Variants in DAPK3 observed in about 807,000 individuals in gnomAD.
DAPK3 encodes the protein death associated protein kinase 3.
Under a neutral mutation model 30.6 loss-of-function variants are expected in DAPK3, and 24 were observed. That is an observed-to-expected ratio of 0.78 (90% CI 0.57 to 1.10). The LOEUF is 1.10. Among genes scored for constraint, DAPK3 ranks in the 50% least tolerant of loss-of-function variants. The probability of loss-of-function intolerance (pLI) is 0.00; values close to 1 mark genes in which losing one functional copy is unlikely to be tolerated. For synonymous variants in DAPK3, 341 were observed against 284.0 expected, an observed-to-expected ratio of 1.20 and a Z score of -2.02; for missense variants, 629 against 657.3, an observed-to-expected ratio of 0.96 and a Z score of 0.47.
intron 6 of DAPK3, 197 bp from the exon 7 acceptor site, chr19:3,961,358 C>A (rs572360930): frequency 1.4e-6 from 1 of 726,078 alleles, no homozygotes. Flanking sequence ...ATCCACCCCC[C>A]CACCCCGCCA....
At chr19:3,967,312 C>T (rs528103559) in intron 2 of DAPK3, among the ~76,000 whole-genome samples, 2 of 152,056 alleles carry the variant, frequency 1.3e-5, no homozygotes, top group East Asian at 1.9e-4. Flanking sequence ...ATTAGCCGGG[C>T]GTGCTGGCAG....
rs906434876 is a variant in DAPK3, at chr19:3,959,392, G to A, written c.1074C>T (p.Ala358=). 2 of 1,570,636 alleles carry A rather than the reference G, an allele frequency of 1.3e-6. No individual in the cohort carries two copies. Among genetic ancestry groups the A allele is most frequent in the Non-Finnish European group, 1.7e-6 (2 of 1,165,964 alleles). The change falls in exon 9 of 9, where the codon GCC becomes GCT. Residue 358 remains alanine (A), a synonymous_variant. Coordinates refer to ENST00000545797, the MANE Select transcript of DAPK3 (RefSeq NM_001348.3). ...ACCAGGCCTCCTTCTCCTCGTAGAT[G>A]GCGGCCAGCGCCTCCACGTCCTCGT... ...LCHEDVEALA[A]IYEEKEAWYR... is the part of the protein sequence containing the mutation.
intron 6 of DAPK3, among the ~76,000 whole-genome samples, chr19:3,962,758 G>T (rs2039531859): frequency 8.5e-6 from 1 of 117,412 alleles, no homozygotes; most frequent in South Asian, 2.9e-4. Flanking sequence ...ACTTCATCCA[G>T]CCTGGGCAAC....
chr19:3,960,412 C>CA (rs895434720), intron 7 of DAPK3, among the ~76,000 whole-genome samples: 6 of 152,126 alleles, frequency 3.9e-5, no homozygotes, highest in Admixed American at 3.9e-4. Context: ...TACAGGAAAA[C>CA]AAGTGACCTG....
At chr19:3,967,793 T>C (rs1001948020) in intron 2 of DAPK3, among the ~76,000 whole-genome samples, 1 of 152,146 alleles carries the variant, frequency 6.6e-6, no homozygotes, top group Non-Finnish European at 1.5e-5. Flanking sequence ...TGGGCCTTCA[T>C]CTTGCACTTC....
chr19:3,960,910 A>G (rs1014963012), intron 7 of DAPK3, 99 bp downstream of exon 7: 2 of 1,298,272 alleles, frequency 1.5e-6, no homozygotes, highest in African/African-American at 1.5e-5. Context: ...CCCCAGCCGC[A>G]GGGAGGTGGC....
chr19:3,963,742 G>A (rs1034929988), intron 5 of DAPK3, 73 bp from the exon 6 acceptor site: 13 of 1,349,872 alleles, frequency 9.6e-6, no homozygotes, highest in African/African-American at 4.3e-5. Flanking sequence ...GGCGTCCAGC[G>A]CCCCTGTTCT....
Position 3,964,972 on chromosome 19 carries a change from G to C in DAPK3, c.82C>G (p.Arg28Gly), listed in dbSNP as rs139511601. ...ELGSGQFAIV[R>G]KCRQKGTGKE... ...CCCGTGCCCTTCTGCCGGCACTTCCGCACGATCGCAAACTGGCCGCTGGAG... is the reference window on the plus strand; with the variant it reads ...CCCGTGCCCTTCTGCCGGCACTTCCCCACGATCGCAAACTGGCCGCTGGAG... The change falls in exon 3 of 9, where the codon CGG (arginine) becomes GGG (glycine). Residue 28 changes from arginine to glycine, a missense_variant. By Grantham distance (125) the Arg-to-Gly change is moderately radical (BLOSUM62 -2). This residue lies in a region of DAPK3 where 306 missense variants were observed against 378.5 expected (regional missense o/e 0.81). Transcript: ENST00000545797. 6.2e-7 allele frequency: 1 copy of C among 1,605,412 alleles called. No homozygotes were observed. The highest frequency in any genetic ancestry group is 8.5e-7 in the Non-Finnish European group (1 of 1,174,656).
At chr19:3,969,945 C>T in intron 1 of DAPK3, 116 bp from the exon 2 acceptor site, 1 of 572,338 alleles carries the variant, frequency 1.7e-6, no homozygotes, top group Non-Finnish European at 3.1e-6. Context: ...CTCTGAAGCT[C>T]CAAACTCGAC....
At chr19:3,966,244 C>A (rs1031248390) in intron 2 of DAPK3, among the ~76,000 whole-genome samples, 1 of 152,098 alleles carries the variant, frequency 6.6e-6, no homozygotes, top group African/African-American at 2.4e-5. Flanking sequence ...TGCTGGGTAC[C>A]GGGTTCCTGC....
At chr19:3,962,546 C>A (rs1275750111) in intron 6 of DAPK3, among the ~76,000 whole-genome samples, 2 of 152,140 alleles carry the variant, frequency 1.3e-5, no homozygotes, top group African/African-American at 4.8e-5. Flanking sequence ...GAGGCCAAGG[C>A]GGCCGGATCA....
chr19:3,961,414 G>A (rs772188136), intron 6 of DAPK3: 9 of 637,724 alleles, frequency 1.4e-5, no homozygotes, highest in South Asian at 4.1e-5. Flanking sequence ...TTGGAGACTC[G>A]AAGTATCTGT....
intron 6 of DAPK3, 194 bp from the exon 7 acceptor site, chr19:3,961,355 C>G (rs1443537822): frequency 2.7e-6 from 2 of 727,794 alleles, no homozygotes; most frequent in Middle Eastern, 2.4e-4. Context: ...AAAATCCACC[C>G]CCCCACCCCG....
At position 3,964,022 on chromosome 19, in the gene DAPK3, T is replaced by C. The variant is rs987573906; in HGVS notation, c.554-103A>G. ...CAAGGTTCTCACATGTCGCAGCCCT[T>C]GGGGGCATGAATGCGGCAGAGCTGG... On this transcript the variant is annotated intron_variant, in intron 4 of 8. Transcript: ENST00000545797. 344 of 877,644 alleles carry C rather than the reference T, an allele frequency of 3.9e-4. 4 individuals carry two copies. In the South Asian group the frequency reaches 4.4e-3, roughly 11 times the overall value. The allele number at this position is 877,644 out of a possible 1,614,324, so 54.4% of individuals were successfully genotyped here.
rs1599179346 is a variant in DAPK3, at chr19:3,963,688, C to T, written c.603-19G>A. Reference sequence around the variant, plus strand: ...GATGCTCCTGGGGACAGACAAGAGGCAAGGGTCAGCGCAGCGTGGGGCCGC... The same window carrying T: ...GATGCTCCTGGGGACAGACAAGAGGTAAGGGTCAGCGCAGCGTGGGGCCGC... On this transcript the variant is annotated intron_variant, in intron 5 of 8. Coordinates refer to ENST00000545797, the MANE Select transcript of DAPK3 (RefSeq NM_001348.3). The T allele has an allele frequency of 6.5e-7, 1 of 1,530,912 alleles. No individual in the cohort carries two copies. 94.8% of individuals were successfully genotyped at this position (1,530,912 alleles called of 1,614,324 possible). A position where few individuals can be genotyped will look rare whatever the true frequency, so the allele number is the denominator to read the frequency against.
At position 3,964,341 on chromosome 19, in the gene DAPK3, C is replaced by T. The variant is rs1318468747; in HGVS notation, c.456G>A (p.Val152=). ...PENIMLLDKN[V]PNPRIKLIDF... The stretch of plus-strand genomic sequence containing the variant: ...CGATGAGCTTGATTCGTGGGTTGGG[C>T]ACGTTCTTGTCCAGCAGCATGATGT... The change falls in exon 4 of 9, where the codon GTG becomes GTA. Residue 152 remains valine, a synonymous_variant. Transcript: ENST00000545797. 1.5e-5 allele frequency: 25 copies of T among 1,613,410 alleles called. No homozygotes were observed. The highest frequency in any genetic ancestry group is 1.8e-5 in the Non-Finnish European group (21 of 1,179,414).
rs745611590 is a variant in DAPK3 at position 3,961,003 on chromosome 19, T to C, written c.782+6A>G. The C allele has an allele frequency of 1.2e-6, 2 of 1,612,914 alleles. No homozygotes were observed. Among genetic ancestry groups the C allele is most frequent in the Non-Finnish European group, 1.7e-6 (2 of 1,179,576 alleles). Reference sequence around the variant, plus strand: ...CCACCCCGTGCCCCCTGCCGGCCCCTCGTACTTGGGATCTTTGACGAGCAG... The same window carrying C: ...CCACCCCGTGCCCCCTGCCGGCCCCCCGTACTTGGGATCTTTGACGAGCAG... On this transcript the variant is annotated splice_donor_region_variant and intron_variant, in intron 7 of 8. Transcript: ENST00000545797.
intron 6 of DAPK3, among the ~76,000 whole-genome samples, chr19:3,962,308 G>A (rs2039525130): frequency 6.6e-6 from 1 of 152,228 alleles, no homozygotes; most frequent in South Asian, 2.1e-4. Flanking sequence ...TGAATTATCT[G>A]AACATTTAAA....
At chr19:3,969,590 C>T in intron 2 of DAPK3, 84 bp downstream of exon 2, 1 of 887,270 alleles carries the variant, frequency 1.1e-6, no homozygotes, top group Non-Finnish European at 1.9e-6. Flanking sequence ...GGATAAAGAA[C>T]AGGAAAGGAG....
Sources: allele counts gnomAD v4.1 joint callset (sites outside exome capture counted in the v4.1 genomes callset), GRCh38; gene constraint gnomAD v4.1.1; regional missense constraint gnomAD v4.1.1; transcripts MANE v1.5; gene names NCBI Gene and HGNC (gene_info 2026-07-23, HGNC 2026-07-21).